Variants in IGF1R observed in about 807,000 individuals in gnomAD.
The protein encoded by IGF1R is insulin like growth factor 1 receptor.
A neutral mutation model predicts 144.6 loss-of-function variants in IGF1R; 44 were observed. The observed-to-expected ratio is 0.30, with a 90% confidence interval of 0.24 to 0.39. IGF1R has a LOEUF of 0.39. IGF1R is among the 10% of genes least tolerant of loss of function. The pLI is 1.00. For synonymous variants in IGF1R, 795 were observed against 722.8 expected (o/e 1.10, Z -1.60); for missense variants, 1,355 against 1,833.7 (o/e 0.74, Z 4.77).
At chr15:98,920,601 C>T (rs188265748) in intron 10 of IGF1R, among the ~76,000 whole-genome samples, 134 of 152,272 alleles carry the variant, frequency 8.8e-4, no homozygotes, top group African/African-American at 3.0e-3. Context: ...TTTTTCCCTT[C>T]CGGGAAGCTT....
At chr15:98,710,827 C>T (rs1490590243) in intron 2 of IGF1R, among the ~76,000 whole-genome samples, 2 of 151,760 alleles carry the variant, frequency 1.3e-5, no homozygotes, top group African/African-American at 2.4e-5. Context: ...CCACCATGCC[C>T]GTCTAATTTT....
At chr15:98,905,491 TAAA>T (rs67289421) in intron 5 of IGF1R, among the ~76,000 whole-genome samples, 2 of 142,396 alleles carry the variant, frequency 1.4e-5, no homozygotes, top group African/African-American at 5.1e-5. Flanking sequence ...TACCAGCTGT[TAAA>T]AAAAAAAAAG....
In IGF1R at chr15:98,957,510, GAGTT is replaced by G. The variant is rs2017053497; in HGVS notation, c.*69_*72del. 6.2e-7 allele frequency: 1 copy of G among 1,600,474 alleles called. No individual in the cohort carries two copies. Among genetic ancestry groups the G allele is most frequent in the Non-Finnish European group, 8.5e-7 (1 of 1,171,742 alleles). On this transcript the variant is annotated 3_prime_UTR_variant, in exon 21 of 21. Coordinates refer to ENST00000650285, the MANE Select transcript of IGF1R (RefSeq NM_000875.5). ...GCGCAGCGGGGTGGGGGGGGAGAGA[GAGTT>G]TTAACAATCCATTCACAAGCCTCCT...
intron 2 of IGF1R, among the ~76,000 whole-genome samples, chr15:98,710,068 T>C (rs577608044): frequency 5.9e-5 from 9 of 152,286 alleles, no homozygotes; most frequent in African/African-American, 2.2e-4. Flanking sequence ...GCCTTCCTCA[T>C]AGGGCTGTTG....
intron 2 of IGF1R, among the ~76,000 whole-genome samples, chr15:98,850,663 T>G (rs568642786): frequency 5.4e-4 from 82 of 152,150 alleles, no homozygotes; most frequent in African/African-American, 1.9e-3. Flanking sequence ...AAAGCATAAC[T>G]GGCAGAGGAA....
intron 2 of IGF1R, among the ~76,000 whole-genome samples, chr15:98,764,497 A>C (rs574991697): frequency 3.3e-5 from 5 of 152,228 alleles, no homozygotes; most frequent in Non-Finnish European, 7.3e-5. Flanking sequence ...GAATGCTGGG[A>C]TCTTTTACCA....
At chr15:98,702,043 T>TTG (rs529081408) in intron 1 of IGF1R, among the ~76,000 whole-genome samples, 4 of 149,220 alleles carry the variant, frequency 2.7e-5, no homozygotes, top group South Asian at 4.3e-4. Flanking sequence ...GTTTTTTTTT[T>TTG]TTTTTTTTTT....
chr15:98,724,487 T>A (rs1028785086), intron 2 of IGF1R, among the ~76,000 whole-genome samples: 5 of 152,234 alleles, frequency 3.3e-5, no homozygotes, highest in African/African-American at 1.2e-4. Context: ...ATCTGCCTAT[T>A]GCACTGGGGT....
chr15:98,871,049 C>A (rs2012756849), intron 2 of IGF1R, among the ~76,000 whole-genome samples: 1 of 152,248 alleles, frequency 6.6e-6, no homozygotes, highest in South Asian at 2.1e-4. Flanking sequence ...CGCGCATGCA[C>A]AAAGCCAGTG....
At chr15:98,868,153 C>G (rs888388667) in intron 2 of IGF1R, among the ~76,000 whole-genome samples, 4 of 151,930 alleles carry the variant, frequency 2.6e-5, no homozygotes, top group African/African-American at 9.7e-5. Flanking sequence ...CACCACTGCA[C>G]TCCAGCTGGG....
intron 2 of IGF1R, among the ~76,000 whole-genome samples, chr15:98,795,150 G>A (rs2056209700): frequency 6.6e-6 from 1 of 151,762 alleles, no homozygotes; most frequent in African/African-American, 2.4e-5. Flanking sequence ...ATTGACTATT[G>A]TAGCAGTCAT....
At chr15:98,949,217 C>T (rs1439005762) in intron 20 of IGF1R, among the ~76,000 whole-genome samples, 4 of 152,124 alleles carry the variant, frequency 2.6e-5, no homozygotes, top group Non-Finnish European at 4.4e-5. Context: ...AACCCTGCCC[C>T]ACATGTCTTC....
intron 5 of IGF1R, among the ~76,000 whole-genome samples, chr15:98,907,085 A>T (rs1173095206): frequency 6.6e-6 from 1 of 152,212 alleles, no homozygotes; most frequent in Non-Finnish European, 1.5e-5. Context: ...ACGAGTGAGT[A>T]AACAGGGCTA....
At chr15:98,913,589 T>G (rs2015117229) in intron 8 of IGF1R, among the ~76,000 whole-genome samples, 1 of 152,330 alleles carries the variant, frequency 6.6e-6, no homozygotes, top group South Asian at 2.1e-4. Context: ...CTGCCCTTGT[T>G]TCTTGTTTGT....
chr15:98,814,562 A>G (rs957124358), intron 2 of IGF1R, among the ~76,000 whole-genome samples: 3 of 152,184 alleles, frequency 2.0e-5, no homozygotes, highest in African/African-American at 7.2e-5. Flanking sequence ...TGCCGGGGTT[A>G]GTCTCAGACT....
intron 3 of IGF1R, among the ~76,000 whole-genome samples, chr15:98,896,476 A>G (rs902918890): frequency 3.9e-5 from 6 of 152,200 alleles, no homozygotes; most frequent in South Asian, 2.1e-4. Context: ...TCAACAGCCT[A>G]TGACACACAA....
At chr15:98,709,870 A>G (rs1244283332) in intron 2 of IGF1R, among the ~76,000 whole-genome samples, 1 of 152,198 alleles carries the variant, frequency 6.6e-6, no homozygotes, top group Non-Finnish European at 1.5e-5. Flanking sequence ...TTCACGAACT[A>G]GGTAGGTAGT....
intron 2 of IGF1R, among the ~76,000 whole-genome samples, chr15:98,717,939 C>G (rs1353253317): frequency 6.6e-6 from 1 of 152,106 alleles, no homozygotes; most frequent in East Asian, 1.9e-4. Context: ...TTTGGTAACG[C>G]TAGGTATATG....
intron 2 of IGF1R, among the ~76,000 whole-genome samples, chr15:98,827,969 A>G (rs1264546165): frequency 6.6e-6 from 1 of 152,208 alleles, no homozygotes; most frequent in East Asian, 1.9e-4. Context: ...CTGTCTACTG[A>G]AAGCTGATTA....
Sources: allele counts gnomAD v4.1 joint callset (sites outside exome capture counted in the v4.1 genomes callset), GRCh38; gene constraint gnomAD v4.1.1; transcripts MANE v1.5; gene names NCBI Gene and HGNC (gene_info 2026-07-23, HGNC 2026-07-21).